The following RDH16 variants were observed in gnomAD, a reference collection of about 807,000 sequenced individuals.
RDH16 encodes retinol dehydrogenase 16, also known as human epidermal retinol dehydrogenase.
RDH16 carries 25 observed loss-of-function variants against 22.3 expected under a neutral mutation model. That is an observed-to-expected ratio of 1.12 (90% CI 0.82 to 1.56). RDH16 has a LOEUF of 1.56. Ranked by LOEUF, RDH16 falls within the 40% of genes most tolerant of loss-of-function variation. The pLI, the probability that RDH16 is intolerant of heterozygous loss-of-function variation, is 0.00. For missense variants in RDH16, 413 were observed against 394.9 expected, an observed-to-expected ratio of 1.05 and a Z score of -0.39; for synonymous variants, 154 against 164.4, an observed-to-expected ratio of 0.94 and a Z score of 0.48.
rs771281645 is a variant in RDH16 at position 56,955,088 on chromosome 12, G to A, written c.390C>T (p.Phe130=). 24 of 1,613,946 alleles carry A rather than the reference G, an allele frequency of 1.5e-5. No individual in the cohort carries two copies. In the East Asian group the frequency reaches 2.5e-4, roughly 16 times the overall value. ...APNELLTKQD[F]VTILDVNLLG... is the part of the protein sequence containing the mutation. Reference sequence around the variant, plus strand: ...ACAAGTTCACGTCCAGTATGGTCACGAAGTCCTGCTTGGTGAGCAACTCAT... The same window carrying A: ...ACAAGTTCACGTCCAGTATGGTCACAAAGTCCTGCTTGGTGAGCAACTCAT... The change falls in exon 2 of 4, where the codon TTC becomes TTT. Residue 130 remains phenylalanine, a synonymous_variant. Coordinates refer to ENST00000398138, the MANE Select transcript of RDH16 (RefSeq NM_003708.5).
chr12:56,957,337 C>G lies in RDH16; in HGVS notation c.126G>C (p.Gly42=), dbSNP rs756736793. 3.1e-6 allele frequency: 5 copies of G among 1,614,198 alleles called. No homozygotes were observed. In the South Asian group the frequency reaches 5.5e-5, roughly 18 times the overall value. ...CATCCAGCTGTCTGGCCAGCAGTTT[C>G]CCGAAGCCAGAGTCACAGCCCGTGA... The part of the protein sequence containing the change: ...VFITGCDSGF[G]KLLARQLDAR... The change falls in exon 1 of 4, where the codon GGG becomes GGC. Residue 42 remains glycine, a synonymous_variant. Coordinates refer to ENST00000398138, the MANE Select transcript of RDH16 (RefSeq NM_003708.5).
At position 56,957,152 on chromosome 12, in the gene RDH16, T is replaced by C; in HGVS notation, c.311A>G (p.Lys104Arg). The C allele has an allele frequency of 1.2e-6, 2 of 1,605,500 alleles. No individual in the cohort carries two copies. Among genetic ancestry groups the C allele is most frequent in the Non-Finnish European group, 1.7e-6 (2 of 1,173,678 alleles). ...AQWVKECVRDKGLWGLVNNAG... is the reference protein window; with the variant it reads ...AQWVKECVRDRGLWGLVNNAG... Reference sequence around the variant, plus strand: ...ACTTGACAAACCTGGGTGGTTACCTTTGTCTCTCACGCACTCCTTCACCCA... The same window carrying C: ...ACTTGACAAACCTGGGTGGTTACCTCTGTCTCTCACGCACTCCTTCACCCA... Residue 104 changes from lysine to arginine, a missense_variant and splice_region_variant, in exon 1 of 4, where the codon AAA becomes AGA. Lys to Arg is a conservative substitution (Grantham distance 26). Coordinates refer to ENST00000398138, the MANE Select transcript of RDH16 (RefSeq NM_003708.5).
At chr12:56,955,255 G>A (rs746049) in intron 1 of RDH16, 91 bp from the exon 2 acceptor site, 197,711 of 1,471,302 alleles carry the variant, frequency 0.13, 19,345 homozygotes, top group African/African-American at 0.51. Context: ...AATAAAGTGA[G>A]GGCAGACTGA....
rs745311692 is a variant in RDH16 at position 56,957,400 on chromosome 12, C to T, written c.63G>A (p.Arg21=). 1.2e-6 allele frequency: 2 copies of T among 1,614,166 alleles called. No individual in the cohort carries two copies. The highest frequency in any genetic ancestry group is 1.3e-5 in the African/African-American group (1 of 75,048). ...TATCTCTCAGGTGGCTCAGCACCTG[C>T]CTCTCCCGGTACCAGTGCAGAAGGT... The part of the protein sequence containing the change: ...LYYLLHWYRE[R]QVLSHLRDKY... The change falls in exon 1 of 4, where the codon AGG becomes AGA. Residue 21 remains arginine (R), a synonymous_variant. Transcript: ENST00000398138.
Position 56,952,249 on chromosome 12 carries a change from GTT to G in RDH16, c.737-5_737-4del. 1 of 1,613,212 alleles carries G rather than the reference GTT, an allele frequency of 6.2e-7. No individual in the cohort carries two copies. The highest frequency in any genetic ancestry group is 8.5e-7 in the Non-Finnish European group (1 of 1,179,420). Reference sequence around the variant, plus strand: ...CATTTGTTCAGCTGATTTCTTATCTGTTAAGAATCAGAAACAATCCATGTATA... The same window carrying G: ...CATTTGTTCAGCTGATTTCTTATCTGAAGAATCAGAAACAATCCATGTATA... On this transcript the variant is annotated splice_polypyrimidine_tract_variant and splice_region_variant and intron_variant, in intron 3 of 3. Transcript: ENST00000398138.
Position 56,952,069 on chromosome 12 carries a change from A to G in RDH16, c.914T>C (p.Ile305Thr). The G allele has an allele frequency of 6.2e-7, 1 of 1,614,106 alleles. No homozygotes were observed. ...SYMPTFLVDAIMYWVSPSPAK... is the reference protein window; with the variant it reads ...SYMPTFLVDATMYWVSPSPAK... ...CGGGCTTGGAGAGACCCAGTACATA[A>G]TGGCATCCACCAGGAAGGTGGGCAT... The change falls in exon 4 of 4, where the codon ATT (isoleucine) becomes ACT (threonine). Residue 305 changes from isoleucine to threonine, a missense_variant. By Grantham distance (89) the Ile-to-Thr change is moderately conservative. Coordinates refer to ENST00000398138, the MANE Select transcript of RDH16 (RefSeq NM_003708.5).
chr12:56,955,982 C>G (rs17119287), intron 1 of RDH16, among the ~76,000 whole-genome samples: 11,497 of 152,120 alleles, frequency 0.076, 1,438 homozygotes, highest in African/African-American at 0.26. Flanking sequence ...GACTTCAAGT[C>G]AATAGAGTTT....
chr12:56,954,009 C>T (rs964157558), intron 2 of RDH16, among the ~76,000 whole-genome samples: 1 of 152,160 alleles, frequency 6.6e-6, no homozygotes, highest in Non-Finnish European at 1.5e-5. Flanking sequence ...CTCTACCCAT[C>T]GTCAAAGGGG....
intron 2 of RDH16, among the ~76,000 whole-genome samples, chr12:56,953,724 C>T (rs1477980160): frequency 6.6e-6 from 1 of 152,192 alleles, no homozygotes; most frequent in African/African-American, 2.4e-5. Context: ...CCCAGTCTTC[C>T]TTACCAGGCT....
At chr12:56,954,828 C>T (rs1955912047) in intron 2 of RDH16, 78 bp downstream of exon 2, 2 of 1,504,826 alleles carry the variant, frequency 1.3e-6, no homozygotes, top group Non-Finnish European at 1.8e-6. Flanking sequence ...GGCTGGGATT[C>T]AAGGAACTCC....
chr12:56,954,209 G>A (rs369806540), intron 2 of RDH16, among the ~76,000 whole-genome samples: 27 of 152,316 alleles, frequency 1.8e-4, no homozygotes, highest in East Asian at 1.3e-3. Context: ...GTGCTCTTGC[G>A]TCTGCATGAG....
At chr12:56,957,095 G>A (rs946256432) in intron 1 of RDH16, 55 bp downstream of exon 1, 12 of 1,511,472 alleles carry the variant, frequency 7.9e-6, no homozygotes, top group African/African-American at 4.1e-5. Flanking sequence ...GACAGGAGGT[G>A]GTCCCTTCAC....
rs200134176 is a variant in RDH16 at position 56,957,161 on chromosome 12, A to G, written c.302T>C (p.Val101Ala). The change falls in exon 1 of 4, where the codon GTG becomes GCG. Residue 101 changes from valine to alanine, a missense_variant. Val to Ala is a moderately conservative substitution (Grantham distance 64, BLOSUM62 0). Coordinates refer to ENST00000398138, the MANE Select transcript of RDH16 (RefSeq NM_003708.5). ...AAAAQWVKECVRDKGLWGLVN... is the reference protein window; with the variant it reads ...AAAAQWVKECARDKGLWGLVN... ...ACCTGGGTGGTTACCTTTGTCTCTCACGCACTCCTTCACCCACTGGGCGGC... is the reference window on the plus strand; with the variant it reads ...ACCTGGGTGGTTACCTTTGTCTCTCGCGCACTCCTTCACCCACTGGGCGGC... The G allele has an allele frequency of 4.0e-5, 64 of 1,609,870 alleles. No homozygotes were observed. In the East Asian group the frequency reaches 5.6e-4, roughly 14 times the overall value.
rs1955880698 is a variant in RDH16 at position 56,951,743 on chromosome 12, T to C, written c.*286A>G. The C allele has an allele frequency of 1.1e-5, 5 of 444,646 alleles. No homozygotes were observed. The South Asian group carries it at 1.4e-4, about 12-fold the overall frequency. The allele number at this position is 444,646 out of a possible 1,614,324, so 27.5% of individuals were successfully genotyped here. A position where few individuals can be genotyped will look rare whatever the true frequency, so the allele number is the denominator to read the frequency against. Reference sequence around the variant, plus strand: ...CCCACCCCAGTTGTTAGCCCAAGGATGGCCCTAGAGGCTTGGACCCTTGAG... The same window carrying C: ...CCCACCCCAGTTGTTAGCCCAAGGACGGCCCTAGAGGCTTGGACCCTTGAG... On this transcript the variant is annotated 3_prime_UTR_variant, in exon 4 of 4. Transcript: ENST00000398138.
Position 56,954,994 on chromosome 12 carries a change from C to T in RDH16, c.484G>A (p.Val162Ile), listed in dbSNP as rs769936511. ...GACACCCGGCCCATGACACTGGAGA[C>T]GTTGACCACACGGCCCCTGGCCCTC... is the stretch of plus-strand genomic sequence containing the variant. ...VRRARGRVVNVSSVMGRVSLF... is the reference protein window; with the variant it reads ...VRRARGRVVNISSVMGRVSLF... Residue 162 changes from valine (V) to isoleucine (I), a missense_variant, in exon 2 of 4, where the codon GTC becomes ATC. Transcript: ENST00000398138. 34 of 1,614,072 alleles carry T rather than the reference C, an allele frequency of 2.1e-5. No individual in the cohort carries two copies. The highest frequency in any genetic ancestry group is 5.0e-5 in the Admixed American group (3 of 60,006).
Position 56,955,060 on chromosome 12 carries a change from C to A in RDH16, c.418G>T (p.Gly140Trp), listed in dbSNP as rs746932996. The part of the protein sequence containing the change: ...FVTILDVNLL[G>W]VIDVTLSLLP... Reference sequence around the variant, plus strand: ...AGGCTCAGAGTCACATCAATCACCCCCAACAAGTTCACGTCCAGTATGGTC... The same window carrying A: ...AGGCTCAGAGTCACATCAATCACCCACAACAAGTTCACGTCCAGTATGGTC... The change falls in exon 2 of 4, where the codon GGG (glycine) becomes TGG (tryptophan). Residue 140 changes from glycine (G) to tryptophan (W), a missense_variant. Coordinates refer to ENST00000398138, the MANE Select transcript of RDH16 (RefSeq NM_003708.5). 9 of 1,614,028 alleles carry A rather than the reference C, an allele frequency of 5.6e-6. 1 individual carries two copies. The East Asian group carries it at 1.3e-4, about 24-fold the overall frequency.
chr12:56,955,563 C>T (rs1168828618), intron 1 of RDH16, among the ~76,000 whole-genome samples: 1 of 151,944 alleles, frequency 6.6e-6, no homozygotes, highest in East Asian at 1.9e-4. Flanking sequence ...TGTGCTAACA[C>T]CTTATATAGT....
chr12:56,955,722 C>A (rs555319760), intron 1 of RDH16, among the ~76,000 whole-genome samples: 1 of 152,170 alleles, frequency 6.6e-6, no homozygotes, highest in East Asian at 1.9e-4. Flanking sequence ...GAACTCAGGG[C>A]ACTGGTCTTG....
At position 56,952,959 on chromosome 12, in the gene RDH16, C is replaced by G. The variant is rs1400396480; in HGVS notation, c.604G>C (p.Ala202Pro). 6.2e-7 allele frequency: 1 copy of G among 1,613,466 alleles called. No individual in the cohort carries two copies. The highest frequency in any genetic ancestry group is 1.3e-5 in the African/African-American group (1 of 74,880). ...RELSYFGVKV[A>P]MIEPGYFKTA... Reference sequence around the variant, plus strand: ...TTGAAATAGCCAGGTTCAATCATAGCCACCTTCACCCCAAAGTAGGAGAGT... The same window carrying G: ...TTGAAATAGCCAGGTTCAATCATAGGCACCTTCACCCCAAAGTAGGAGAGT... The change falls in exon 3 of 4, where the codon GCT becomes CCT. Residue 202 changes from alanine (A) to proline (P), a missense_variant. Ala to Pro is a conservative substitution (Grantham distance 27). Coordinates refer to ENST00000398138, the MANE Select transcript of RDH16 (RefSeq NM_003708.5).
Sources: gnomAD v4.1 joint callset for allele counts (sites outside exome capture counted in the v4.1 genomes callset) on GRCh38, gnomAD v4.1.1 for gene constraint, MANE v1.5 for transcripts, NCBI Gene and HGNC (gene_info 2026-07-23, HGNC 2026-07-21) for gene names.